Variants in MACROD1 observed in about 807,000 individuals in gnomAD.
The protein encoded by MACROD1 is ADP-ribose glycohydrolase MACROD1.
Under a neutral mutation model 41.4 loss-of-function variants are expected in MACROD1, and 31 were observed. The observed-to-expected ratio is 0.75, with a 90% CI of 0.56 to 1.01. The LOEUF (loss-of-function observed/expected upper bound fraction) is 1.01, where lower values mean the gene tolerates loss of function less well. Ranked by LOEUF, MACROD1 falls within the 50% of genes least tolerant of loss-of-function variation. MACROD1 has a pLI of 0.00. For missense variants in MACROD1, 473 were observed against 460.0 expected (o/e 1.03, Z -0.26); for synonymous variants, 252 against 203.4 (o/e 1.24, Z -2.03).
chr11:64,114,894 A>G (rs1944947897), intron 3 of MACROD1, among the ~76,000 whole-genome samples: 1 of 152,212 alleles, frequency 6.6e-6, no homozygotes, highest in Admixed American at 6.5e-5. Context: ...GGGTCCTGCA[A>G]GAGTAGCTTG....
chr11:63,999,261 T>C, intron 8 of MACROD1, 70 bp downstream of exon 8: 1 of 1,514,522 alleles, frequency 6.6e-7, no homozygotes, highest in Middle Eastern at 2.3e-4. Context: ...CCTGACTCCC[T>C]GGGCGATGAT....
chr11:64,001,616 A>G (rs1365700712), intron 4 of MACROD1: 5 of 701,278 alleles, frequency 7.1e-6, no homozygotes, highest in Non-Finnish European at 1.3e-5. Context: ...GCACCAGGCA[A>G]TTTCCCAGAG....
In MACROD1 at chr11:64,090,617, G is replaced by C. The variant is rs1031728436; in HGVS notation, c.517+60622C>G. ...CTGTGGCCAGCCATCGCCGCAGGAG[G>C]GGTCCCAGCTGGAGCACTGCGCAGC... On this transcript the variant is annotated intron_variant, in intron 3 of 10. Coordinates refer to ENST00000255681, the MANE Select transcript of MACROD1 (RefSeq NM_014067.4). This position sits in a 1 kb window ranked among gnomAD's most constrained non-coding sequence, Gnocchi z 4.7. Among the ~76,000 whole-genome samples the C allele has an allele frequency of 1.3e-5, 2 of 152,186 alleles. No individual in the cohort carries two copies. Among genetic ancestry groups the C allele is most frequent in the Non-Finnish European group, 2.9e-5 (2 of 68,034 alleles).
intron 3 of MACROD1, among the ~76,000 whole-genome samples, chr11:64,075,904 C>T (rs1590873197): frequency 6.6e-6 from 1 of 152,234 alleles, no homozygotes; most frequent in African/African-American, 2.4e-5. Flanking sequence ...AAACTCCTGA[C>T]CTCAAGTGAT....
intron 1 of MACROD1, among the ~76,000 whole-genome samples, chr11:64,164,916 T>C (rs1223010840): frequency 6.6e-6 from 1 of 150,940 alleles, no homozygotes; most frequent in African/African-American, 2.4e-5. Flanking sequence ...GTTCTCTCTC[T>C]CCCCAGGCCC....
At chr11:64,080,785 G>C (rs1305453202) in intron 3 of MACROD1, among the ~76,000 whole-genome samples, 5 of 152,176 alleles carry the variant, frequency 3.3e-5, no homozygotes, top group African/African-American at 1.2e-4. Flanking sequence ...GGTGCTCAGA[G>C]AGGACCAGCA....
At chr11:64,118,237 C>T in intron 3 of MACROD1, 1 of 1,608,490 alleles carries the variant, frequency 6.2e-7, no homozygotes, top group Non-Finnish European at 8.5e-7. Flanking sequence ...GGCTACGGCA[C>T]CACGCGGGGC....
intron 3 of MACROD1, chr11:64,116,277 G>GC (rs1260383413): frequency 6.3e-7 from 1 of 1,595,380 alleles, no homozygotes; most frequent in Non-Finnish European, 8.5e-7. Flanking sequence ...CATGGTGGTG[G>GC]CACACCCCAC....
Position 64,128,627 on chromosome 11 carries a change from GC to G in MACROD1, c.517+22611del, listed in dbSNP as rs994050459. Among the ~76,000 whole-genome samples, 8 of 148,224 alleles carry G rather than the reference GC, an allele frequency of 5.4e-5. No individual in the cohort carries two copies. The South Asian group carries it at 8.6e-4, about 16-fold the overall frequency. Reference sequence around the variant, plus strand: ...CCCTGTGTCCCCCCATCTCCCCGTTGCCCCCCTCAGACTCCAGCCTCAGTGC... The same window carrying G: ...CCCTGTGTCCCCCCATCTCCCCGTTGCCCCCTCAGACTCCAGCCTCAGTGC... On this transcript the variant is annotated intron_variant, in intron 3 of 10. Coordinates refer to ENST00000255681, the MANE Select transcript of MACROD1 (RefSeq NM_014067.4).
intron 3 of MACROD1, among the ~76,000 whole-genome samples, chr11:64,097,584 C>T (rs922915910): frequency 3.3e-5 from 5 of 152,228 alleles, no homozygotes; most frequent in Admixed American, 3.3e-4. Context: ...CGCACACTCT[C>T]GCAAATACCC....
chr11:64,032,712 C>T (rs1229113660), intron 3 of MACROD1, among the ~76,000 whole-genome samples: 1 of 152,150 alleles, frequency 6.6e-6, no homozygotes, highest in African/African-American at 2.4e-5. Context: ...CTGCCTTTAC[C>T]AGTCACCTGT....
rs1942752722 is a variant in MACROD1, at chr11:63,998,567, G to C, written c.*151C>G. On this transcript the variant is annotated 3_prime_UTR_variant, in exon 11 of 11. Coordinates refer to ENST00000255681, the MANE Select transcript of MACROD1 (RefSeq NM_014067.4). ...CTCAGACAGTAGGAGCTGCCACAAC[G>C]AGATCTTTATTAGGCTCCTCGGGGG... 10 of 1,186,792 alleles carry C rather than the reference G, an allele frequency of 8.4e-6. No individual in the cohort carries two copies. Among genetic ancestry groups the C allele is most frequent in the African/African-American group, 6.3e-5 (4 of 63,198 alleles). 73.5% of individuals were successfully genotyped at this position (1,186,792 alleles called of 1,614,324 possible).
intron 1 of MACROD1, among the ~76,000 whole-genome samples, chr11:64,154,167 G>A (rs1317756931): frequency 6.6e-6 from 1 of 151,946 alleles, no homozygotes; most frequent in Non-Finnish European, 1.5e-5. Flanking sequence ...GCAACCTCCG[G>A]GGCTGTCCCT....
intron 4 of MACROD1, among the ~76,000 whole-genome samples, chr11:64,010,315 A>AG (rs1942986386): frequency 1.8e-5 from 1 of 54,680 alleles, no homozygotes; most frequent in South Asian, 6.1e-4. Flanking sequence ...GTTGGCTGGT[A>AG]TGTTGTTTGG....
At chr11:64,113,609 GGA>G (rs1409443232) in intron 3 of MACROD1, among the ~76,000 whole-genome samples, 17 of 132,124 alleles carry the variant, frequency 1.3e-4, no homozygotes, top group African/African-American at 4.2e-4. Flanking sequence ...TTAGGTGGAT[GGA>G]TGGATGGATG....
chr11:64,031,629 C>T (rs1405702194), intron 3 of MACROD1, among the ~76,000 whole-genome samples: 1 of 152,192 alleles, frequency 6.6e-6, no homozygotes, highest in East Asian at 1.9e-4. Flanking sequence ...CAGGCATCCG[C>T]CACCATGCCA....
At chr11:64,021,972 T>G (rs1293910689) in intron 3 of MACROD1, among the ~76,000 whole-genome samples, 48 of 1,632 alleles carry the variant, frequency 0.029, no homozygotes, top group East Asian at 0.045. Context: ...CGGCGGGCAG[T>G]GGATCTGGAG....
At chr11:64,132,811 G>T (rs751794820) in intron 3 of MACROD1, among the ~76,000 whole-genome samples, 1 of 152,200 alleles carries the variant, frequency 6.6e-6, no homozygotes, top group Non-Finnish European at 1.5e-5. Context: ...GGTGCCAGGC[G>T]CCAGGCATCT....
chr11:64,095,957 G>A (rs1280599952), intron 3 of MACROD1, among the ~76,000 whole-genome samples: 1 of 132,494 alleles, frequency 7.5e-6, no homozygotes, highest in Admixed American at 8.1e-5. Flanking sequence ...TCCCTGGGGA[G>A]TCTCCAGCAG....
Sources: allele counts gnomAD v4.1 joint callset (sites outside exome capture counted in the v4.1 genomes callset), GRCh38; gene constraint gnomAD v4.1.1; non-coding constraint Gnocchi (gnomAD v3.1); transcripts MANE v1.5; gene names NCBI Gene and HGNC (gene_info 2026-07-23, HGNC 2026-07-21).